The following ZFAT variants were observed in gnomAD, a reference collection of about 807,000 sequenced individuals.
ZFAT encodes the protein zinc finger protein ZFAT.
Under a neutral mutation model 117.7 loss-of-function variants are expected in ZFAT, and 64 were observed. That is an observed-to-expected ratio of 0.54 (90% CI 0.44 to 0.67). The LOEUF (loss-of-function observed/expected upper bound fraction) is 0.67, where lower values mean the gene tolerates loss of function less well. ZFAT is among the 30% of genes least tolerant of loss of function. ZFAT has a pLI of 0.00. For synonymous variants in ZFAT, 679 were observed against 615.0 expected, an observed-to-expected ratio of 1.10 and a Z score of -1.54; for missense variants, 1,433 against 1,584.5, an observed-to-expected ratio of 0.90 and a Z score of 1.62.
chr8:134,603,689 G>A (rs1827683759), intron 5 of ZFAT, among the ~76,000 whole-genome samples: 1 of 152,200 alleles, frequency 6.6e-6, no homozygotes, highest in Non-Finnish European at 1.5e-5. Flanking sequence ...GCCTATTTCT[G>A]TTGAGGATGT....
chr8:134,623,233 C>G (rs984577420), intron 3 of ZFAT, among the ~76,000 whole-genome samples: 20 of 152,220 alleles, frequency 1.3e-4, no homozygotes, highest in African/African-American at 4.6e-4. Context: ...TCACTGAACT[C>G]CCTGCATCAC....
At chr8:134,694,264 C>T (rs1192349261) in intron 1 of ZFAT, among the ~76,000 whole-genome samples, 1 of 152,184 alleles carries the variant, frequency 6.6e-6, no homozygotes, top group African/African-American at 2.4e-5. Context: ...AAGAGGAGCG[C>T]TACACTGATG....
chr8:134,763,555 T>G, the ZFAT span, among the ~76,000 whole-genome samples: 1 of 152,208 alleles, frequency 6.6e-6, no homozygotes, highest in Admixed American at 6.5e-5. Flanking sequence ...ACTCATTCAT[T>G]GATTGATTTA....
rs574216075 is a variant in ZFAT, at chr8:134,664,457, G to A, written c.20-6720C>T. On this transcript the variant is annotated intron_variant, in intron 1 of 15. Transcript: ENST00000377838. ...AGACTCCCCAGGGGCGCTCTATGCT[G>A]CTCCTACCATTGCAATCTCATATTT... is the stretch of plus-strand genomic sequence containing the variant. 4.0e-4 allele frequency among the ~76,000 whole-genome samples: 61 copies of A among 152,330 alleles called. No individual in the cohort carries two copies. In the Middle Eastern group the frequency reaches 0.02, roughly 51 times the overall value.
intron 15 of ZFAT, among the ~76,000 whole-genome samples, chr8:134,504,476 G>T (rs886212768): frequency 1.3e-5 from 2 of 152,120 alleles, no homozygotes; most frequent in African/African-American, 2.4e-5. Flanking sequence ...TAGCTGGCTC[G>T]GTGAACCCAG....
At chr8:134,534,215 A>G (rs1821646709) in intron 11 of ZFAT, among the ~76,000 whole-genome samples, 1 of 152,246 alleles carries the variant, frequency 6.6e-6, no homozygotes. Context: ...AAATGGTATC[A>G]TATAAACTGA....
chr8:134,652,479 T>A (rs777064975), intron 2 of ZFAT, among the ~76,000 whole-genome samples: 52 of 152,198 alleles, frequency 3.4e-4, no homozygotes, highest in Admixed American at 1.0e-3. Context: ...TAAATCTAAA[T>A]GAACACTTAC....
intron 12 of ZFAT, among the ~76,000 whole-genome samples, chr8:134,526,729 C>A (rs1278906276): frequency 6.6e-6 from 1 of 152,192 alleles, no homozygotes; most frequent in African/African-American, 2.4e-5. Flanking sequence ...GTTGGGCAGT[C>A]ACAAGACCTG....
intron 10 of ZFAT, among the ~76,000 whole-genome samples, chr8:134,567,905 T>C (rs1319057639): frequency 1.3e-5 from 2 of 152,228 alleles, no homozygotes; most frequent in East Asian, 3.8e-4. Context: ...ACTCTGGTAA[T>C]TGGGCCAAGA....
intron 3 of ZFAT, among the ~76,000 whole-genome samples, chr8:134,621,580 C>T (rs2131022617): frequency 6.6e-6 from 1 of 152,246 alleles, no homozygotes; most frequent in African/African-American, 2.4e-5. Context: ...CATGCAGCAC[C>T]ACTGTCTGAA....
rs532583237 is a variant in ZFAT at position 134,524,309 on chromosome 8, C to T, written c.3116-3308G>A. Among the ~76,000 whole-genome samples, 39 of 152,288 alleles carry T rather than the reference C, an allele frequency of 2.6e-4. No homozygotes were observed. The South Asian group carries it at 4.4e-3, about 17-fold the overall frequency. On this transcript the variant is annotated intron_variant, in intron 12 of 15. Transcript: ENST00000377838. ...TCCAAGAACTCACTAGAAAGAGGTG[C>T]TGTTAGTGATGCTCTGGGGTGGACA...
chr8:134,777,394 T>C, the ZFAT span, among the ~76,000 whole-genome samples: 1 of 152,198 alleles, frequency 6.6e-6, no homozygotes, highest in Non-Finnish European at 1.5e-5. Context: ...TCTTACTGCA[T>C]GGCCATTGGA....
intron 1 of ZFAT, among the ~76,000 whole-genome samples, chr8:134,683,968 C>G (rs547574741): frequency 1.3e-5 from 2 of 152,114 alleles, no homozygotes; most frequent in Non-Finnish European, 2.9e-5. Flanking sequence ...CCCTGCAGAC[C>G]AAACTAAGCA....
chr8:134,824,260 GA>G, the ZFAT span, among the ~76,000 whole-genome samples: 3 of 152,158 alleles, frequency 2.0e-5, no homozygotes, highest in East Asian at 5.8e-4. Context: ...AATTTAAGTA[GA>G]ATTAGAATGC....
the ZFAT span, among the ~76,000 whole-genome samples, chr8:134,798,552 G>A: frequency 8.6e-5 from 13 of 152,024 alleles, no homozygotes; most frequent in African/African-American, 3.1e-4. Context: ...ATGTTTCACT[G>A]CATTAATTCA....
intron 1 of ZFAT, among the ~76,000 whole-genome samples, chr8:134,667,627 G>A (rs965517280): frequency 1.3e-5 from 2 of 151,922 alleles, no homozygotes; most frequent in Admixed American, 6.6e-5. Context: ...AAAAGAGGGG[G>A]GCAGCTCCAA....
chr8:134,642,099 T>C (rs1830619811), intron 2 of ZFAT, among the ~76,000 whole-genome samples: 1 of 152,180 alleles, frequency 6.6e-6, no homozygotes, highest in Non-Finnish European at 1.5e-5. Context: ...AAACACAACG[T>C]CCTCAATGGG....
chr8:134,530,912 C>A (rs934068057), intron 12 of ZFAT, among the ~76,000 whole-genome samples: 1 of 152,126 alleles, frequency 6.6e-6, no homozygotes, highest in Admixed American at 6.5e-5. Flanking sequence ...CCAAACACCA[C>A]GCCATTTTAT....
chr8:134,820,014 A>C, the ZFAT span, among the ~76,000 whole-genome samples: 1 of 152,234 alleles, frequency 6.6e-6, no homozygotes, highest in Non-Finnish European at 1.5e-5. Context: ...GGACATCATG[A>C]TATCTTTCTG....
Sources: gnomAD v4.1 joint callset for allele counts (sites outside exome capture counted in the v4.1 genomes callset) on GRCh38, gnomAD v4.1.1 for gene constraint, MANE v1.5 for transcripts, NCBI Gene and HGNC (gene_info 2026-07-23, HGNC 2026-07-21) for gene names.